The following MGMT variants were observed in gnomAD, a reference collection of about 807,000 sequenced individuals.
MGMT encodes the protein O-6-methylguanine-DNA methyltransferase.
A neutral mutation model predicts 15.9 loss-of-function variants in MGMT; 14 were observed. The ratio of observed to expected loss-of-function variants is 0.88; its 90% CI spans 0.58 to 1.37. The LOEUF is 1.37. Ranked by LOEUF, MGMT falls within the 40% of genes most tolerant of loss-of-function variation. MGMT has a pLI of 0.00. For synonymous variants in MGMT, 130 were observed against 118.2 expected, an observed-to-expected ratio of 1.10 and a Z score of -0.65; for missense variants, 282 against 268.1, an observed-to-expected ratio of 1.05 and a Z score of -0.36.
At chr10:129,597,067 G>C (rs1174470982) in intron 2 of MGMT, among the ~76,000 whole-genome samples, 4 of 152,136 alleles carry the variant, frequency 2.6e-5, no homozygotes, top group Non-Finnish European at 4.4e-5. Flanking sequence ...TAGGATAAAT[G>C]AGCAAGAAGA....
At chr10:129,593,635 G>T (rs1354046334) in intron 2 of MGMT, among the ~76,000 whole-genome samples, 4 of 152,230 alleles carry the variant, frequency 2.6e-5, no homozygotes, top group African/African-American at 9.6e-5. Flanking sequence ...GCCTTGTTCA[G>T]AGGTGACAAC....
intron 2 of MGMT, among the ~76,000 whole-genome samples, chr10:129,608,546 C>T (rs2133066665): frequency 6.6e-6 from 1 of 152,320 alleles, no homozygotes; most frequent in Non-Finnish European, 1.5e-5. Flanking sequence ...TGTATTGAGG[C>T]ATGGCTTTTT....
chr10:129,572,924 C>CT (rs1846437058), intron 2 of MGMT, among the ~76,000 whole-genome samples: 1 of 152,000 alleles, frequency 6.6e-6, no homozygotes, highest in African/African-American at 2.4e-5. Flanking sequence ...TGCTTTGGTC[C>CT]TTTTTTGGAG....
intron 4 of MGMT, among the ~76,000 whole-genome samples, chr10:129,760,111 C>T (rs1031540813): frequency 6.6e-6 from 1 of 152,242 alleles, no homozygotes; most frequent in African/African-American, 2.4e-5. Flanking sequence ...GCCTGTGGTG[C>T]CTGGGGGCCA....
Position 129,517,786 on chromosome 10 carries a change from T to C in MGMT, c.-12-18455T>C, listed in dbSNP as rs1441107269. 2.6e-5 allele frequency among the ~76,000 whole-genome samples: 4 copies of C among 151,238 alleles called. No individual in the cohort carries two copies. In the Middle Eastern group the frequency reaches 0.01, roughly 386 times the overall value. On this transcript the variant is annotated intron_variant, in intron 1 of 4. Transcript: ENST00000651593. ...CCACACCCTGACTCCAAACCCTCAC[T>C]GTGACCCCACGGGAAAGCATATTCC...
chr10:129,752,639 T>C (rs1432860693), intron 3 of MGMT, among the ~76,000 whole-genome samples: 1 of 152,052 alleles, frequency 6.6e-6, no homozygotes, highest in Non-Finnish European at 1.5e-5. Context: ...AGTGACTGTT[T>C]TAGGGATTAT....
At chr10:129,702,236 T>G (rs1447467982) in intron 2 of MGMT, 2 of 152,220 alleles carry the variant, frequency 1.3e-5, no homozygotes, top group Non-Finnish European at 2.9e-5. Flanking sequence ...CCAACAGTTG[T>G]GTTTTTCTTA....
chr10:129,488,626 C>G (rs994177228), intron 1 of MGMT, among the ~76,000 whole-genome samples: 13 of 152,120 alleles, frequency 8.5e-5, no homozygotes, highest in African/African-American at 4.8e-5. Flanking sequence ...TTTTGTGTCT[C>G]GTTTCAAAGT....
intron 2 of MGMT, among the ~76,000 whole-genome samples, chr10:129,548,614 C>A (rs959787435): frequency 2.6e-5 from 4 of 152,230 alleles, no homozygotes; most frequent in Middle Eastern, 3.2e-3. Flanking sequence ...ACACCCTTCT[C>A]ACAAGAAGCG....
intron 2 of MGMT, among the ~76,000 whole-genome samples, chr10:129,569,119 T>A (rs1335271939): frequency 6.6e-6 from 1 of 152,196 alleles, no homozygotes; most frequent in African/African-American, 2.4e-5. Flanking sequence ...ACTTACGGGC[T>A]CTGGCAGGTT....
chr10:129,477,073 C>T (rs894665209), intron 1 of MGMT, among the ~76,000 whole-genome samples: 1 of 152,148 alleles, frequency 6.6e-6, no homozygotes, highest in African/African-American at 2.4e-5. Flanking sequence ...CTGTGCTCTG[C>T]CCTGAGGTTG....
At chr10:129,657,526 G>A (rs1334693441) in intron 2 of MGMT, among the ~76,000 whole-genome samples, 2 of 151,870 alleles carry the variant, frequency 1.3e-5, no homozygotes. Context: ...ACAGTTCAAA[G>A]TCAGGTGCTG....
At chr10:129,503,116 T>A (rs1564836257) in intron 1 of MGMT, among the ~76,000 whole-genome samples, 1 of 151,824 alleles carries the variant, frequency 6.6e-6, no homozygotes, top group Non-Finnish European at 1.5e-5. Context: ...GATTTTTTTT[T>A]TTATTATTAT....
intron 2 of MGMT, among the ~76,000 whole-genome samples, chr10:129,674,752 C>T (rs1035955032): frequency 2.0e-5 from 3 of 152,210 alleles, no homozygotes; most frequent in Admixed American, 2.0e-4. Context: ...TGGGCTCTAT[C>T]CTGCATGTTC....
At chr10:129,669,488 T>C (rs2133111383) in intron 2 of MGMT, among the ~76,000 whole-genome samples, 1 of 152,318 alleles carries the variant, frequency 6.6e-6, no homozygotes, top group East Asian at 1.9e-4. Flanking sequence ...AGACATACAA[T>C]TTTATTTGAG....
chr10:129,728,955 A>T (rs1434492102), intron 3 of MGMT, among the ~76,000 whole-genome samples: 1 of 152,170 alleles, frequency 6.6e-6, no homozygotes, highest in African/African-American at 2.4e-5. Flanking sequence ...TCTTTTCCCC[A>T]TGTCACGTGA....
intron 2 of MGMT, among the ~76,000 whole-genome samples, chr10:129,661,670 T>G (rs1847599830): frequency 6.6e-6 from 1 of 152,236 alleles, no homozygotes; most frequent in Non-Finnish European, 1.5e-5. Flanking sequence ...AGCAGTTTAG[T>G]GGTGTCTTTT....
At chr10:129,565,909 C>A (rs1427264613) in intron 2 of MGMT, among the ~76,000 whole-genome samples, 1 of 152,064 alleles carries the variant, frequency 6.6e-6, no homozygotes, top group East Asian at 1.9e-4. Context: ...GGGGCTTGGA[C>A]CGGAGCGTCT....
chr10:129,629,129 A>G (rs543908480), intron 2 of MGMT, among the ~76,000 whole-genome samples: 4 of 152,270 alleles, frequency 2.6e-5, no homozygotes, highest in African/African-American at 9.6e-5. Flanking sequence ...CCGCCATTTT[A>G]CCTTCCCCAG....
Sources: allele counts gnomAD v4.1 joint callset (sites outside exome capture counted in the v4.1 genomes callset), GRCh38; gene constraint gnomAD v4.1.1; transcripts MANE v1.5; gene names NCBI Gene and HGNC (gene_info 2026-07-23, HGNC 2026-07-21).